The following ADAM10 variants were observed in gnomAD, a reference collection of about 807,000 sequenced individuals.
The protein encoded by ADAM10 is ADAM metallopeptidase domain 10, also known as disintegrin and metalloproteinase domain-containing protein 10.
A neutral mutation model predicts 90.1 loss-of-function variants in ADAM10; 17 were observed. That is an observed-to-expected ratio of 0.19 (90% CI 0.13 to 0.28). The LOEUF is 0.28. Ranked by LOEUF, ADAM10 falls within the 10% of genes least tolerant of loss-of-function variation. The pLI is 1.00. For missense variants in ADAM10, 610 were observed against 914.3 expected (o/e 0.67, Z 4.29); for synonymous variants, 310 against 298.6 (o/e 1.04, Z -0.40).
At chr15:58,633,448 T>G in intron 8 of ADAM10, 89 bp from the exon 9 acceptor site, 1 of 1,155,702 alleles carries the variant, frequency 8.7e-7, no homozygotes, top group Non-Finnish European at 1.3e-6. Context: ...TGAAAACATT[T>G]TATATTTTAA....
At chr15:58,652,632 A>G (rs1260736958) in intron 5 of ADAM10, among the ~76,000 whole-genome samples, 1 of 152,138 alleles carries the variant, frequency 6.6e-6, no homozygotes, top group African/African-American at 2.4e-5. Context: ...TTGTTTGGTT[A>G]CTATAGCGCT....
intron 5 of ADAM10, among the ~76,000 whole-genome samples, chr15:58,647,248 A>AATTTTTTTTT (rs1896571373): frequency 3.4e-5 from 2 of 59,602 alleles, no homozygotes; most frequent in African/African-American, 1.1e-4. Flanking sequence ...GACACTAAGT[A>AATTTTTTTTT]TTTTTTTTTT....
At chr15:58,721,734 A>T (rs557869222) in intron 1 of ADAM10, among the ~76,000 whole-genome samples, 1 of 152,234 alleles carries the variant, frequency 6.6e-6, no homozygotes, top group Non-Finnish European at 1.5e-5. Flanking sequence ...AAAAATTAAA[A>T]ATTAGCCAGG....
chr15:58,604,559 C>T (rs1251515079), intron 14 of ADAM10, among the ~76,000 whole-genome samples: 1 of 152,088 alleles, frequency 6.6e-6, no homozygotes, highest in Non-Finnish European at 1.5e-5. Flanking sequence ...AAACAAAATA[C>T]CTGTTGAACT....
At chr15:58,743,627 G>A (rs377427594) in intron 1 of ADAM10, among the ~76,000 whole-genome samples, 6 of 149,728 alleles carry the variant, frequency 4.0e-5, no homozygotes, top group African/African-American at 7.4e-5. Context: ...TTTTTGAGAC[G>A]GAGTTTCACT....
At chr15:58,652,529 T>C (rs368159723) in intron 5 of ADAM10, among the ~76,000 whole-genome samples, 4 of 152,206 alleles carry the variant, frequency 2.6e-5, no homozygotes, top group South Asian at 2.1e-4. Flanking sequence ...TTTGGCACCA[T>C]TGTAAAAAAT....
intron 2 of ADAM10, among the ~76,000 whole-genome samples, chr15:58,714,099 T>C (rs1898570331): frequency 6.6e-6 from 1 of 152,062 alleles, no homozygotes; most frequent in South Asian, 2.1e-4. Context: ...CCACCGCACC[T>C]GGCCATAGAA....
chr15:58,624,757 T>C (rs1481797882), intron 10 of ADAM10, among the ~76,000 whole-genome samples: 1 of 152,162 alleles, frequency 6.6e-6, no homozygotes, highest in Non-Finnish European at 1.5e-5. Context: ...GGTTTCGAAC[T>C]CCTGGCCTCA....
intron 5 of ADAM10, among the ~76,000 whole-genome samples, chr15:58,649,726 G>A (rs1385792151): frequency 6.6e-6 from 1 of 152,088 alleles, no homozygotes; most frequent in Non-Finnish European, 1.5e-5. Flanking sequence ...TTATATCTTT[G>A]GCTTTCGGAC....
rs1393761821 is a variant in ADAM10, at chr15:58,692,727, T to TAC, written c.207-10415_207-10414dup. ...AAGTGAAGGAACTCCCAGCAGAAGA[T>TAC]ACCCAGGAATACTGTTCTTCGTCAT... On this transcript the variant is annotated intron_variant, in intron 2 of 15. Transcript: ENST00000260408. The TAC allele has an allele frequency of 7.0e-6, 4 of 573,906 alleles. No homozygotes were observed. In the African/African-American group the frequency reaches 7.5e-5, roughly 11 times the overall value. The allele number at this position is 573,906 out of a possible 1,614,324, so 35.6% of individuals were successfully genotyped here.
At chr15:58,619,726 A>T (rs1194420765) in intron 11 of ADAM10, among the ~76,000 whole-genome samples, 1 of 152,062 alleles carries the variant, frequency 6.6e-6, no homozygotes, top group Non-Finnish European at 1.5e-5. Context: ...AACAAGGTGA[A>T]AGCCCATCTC....
chr15:58,735,260 A>T (rs1481347914), intron 1 of ADAM10, among the ~76,000 whole-genome samples: 2 of 152,060 alleles, frequency 1.3e-5, no homozygotes, highest in Non-Finnish European at 2.9e-5. Flanking sequence ...CTCTATCCTG[A>T]TCCTTACTAC....
intron 2 of ADAM10, chr15:58,690,963 T>C (rs770026210): frequency 8.7e-6 from 4 of 460,356 alleles, no homozygotes; most frequent in Non-Finnish European, 1.3e-5. Flanking sequence ...GTTGTTCTTG[T>C]CTGCCTCAGC....
At chr15:58,624,949 C>T (rs1207799812) in intron 10 of ADAM10, among the ~76,000 whole-genome samples, 1 of 152,086 alleles carries the variant, frequency 6.6e-6, no homozygotes, top group Admixed American at 6.5e-5. Flanking sequence ...TAAAAGTCAA[C>T]TTATTTCAGA....
chr15:58,734,387 G>A (rs1394091814), intron 1 of ADAM10, among the ~76,000 whole-genome samples: 2 of 152,276 alleles, frequency 1.3e-5, no homozygotes, highest in African/African-American at 4.8e-5. Flanking sequence ...AGGAGGCAGT[G>A]CCAAGAACTC....
At chr15:58,744,739 G>C (rs986605547) in intron 1 of ADAM10, among the ~76,000 whole-genome samples, 4 of 152,200 alleles carry the variant, frequency 2.6e-5, no homozygotes, top group African/African-American at 9.7e-5. Flanking sequence ...GCCAGGCACA[G>C]TGGCTTACAC....
intron 2 of ADAM10, chr15:58,698,378 C>A (rs1173115711): frequency 2.6e-5 from 9 of 348,870 alleles, no homozygotes; most frequent in Non-Finnish European, 4.9e-5. Flanking sequence ...TTGAGACCAG[C>A]CTGGGCAACA....
At chr15:58,609,415 T>C (rs1005696225) in intron 14 of ADAM10, 20 of 152,206 alleles carry the variant, frequency 1.3e-4, no homozygotes, top group African/African-American at 4.6e-4. Context: ...AACTATAAAA[T>C]TTTTACTCTA....
At chr15:58,676,526 T>C (rs748951198) in intron 4 of ADAM10, among the ~76,000 whole-genome samples, 1 of 152,224 alleles carries the variant, frequency 6.6e-6, no homozygotes, top group Non-Finnish European at 1.5e-5. Context: ...CCATCTGTTT[T>C]TGTTTGACAT....
Sources: allele counts gnomAD v4.1 joint callset (sites outside exome capture counted in the v4.1 genomes callset), GRCh38; gene constraint gnomAD v4.1.1; transcripts MANE v1.5; gene names NCBI Gene and HGNC (gene_info 2026-07-23, HGNC 2026-07-21).